The following NSRP1 variants were observed in gnomAD, a reference collection of about 807,000 sequenced individuals.
NSRP1 encodes coiled-coil domain containing 55.
Under a neutral mutation model 54.7 loss-of-function variants are expected in NSRP1, and 24 were observed. The observed-to-expected ratio is 0.44, with a 90% confidence interval of 0.32 to 0.62. The LOEUF (loss-of-function observed/expected upper bound fraction) is 0.62, where lower values mean the gene tolerates loss of function less well. Among genes scored for constraint, NSRP1 ranks in the 20% least tolerant of loss-of-function variants. NSRP1 has a pLI of 0.06. For synonymous variants in NSRP1, 210 were observed against 213.8 expected (o/e 0.98, Z 0.15); for missense variants, 596 against 651.2 (o/e 0.92, Z 0.92).
intron 5 of NSRP1, 34 bp downstream of exon 5, chr17:30,179,331 CAGT>C: frequency 6.5e-7 from 1 of 1,533,478 alleles, no homozygotes. Context: ...CACAAGGAAA[CAGT>C]AGCAGAATCT....
At chr17:30,146,361 A>G (rs574328098) in intron 2 of NSRP1, among the ~76,000 whole-genome samples, 17 of 152,294 alleles carry the variant, frequency 1.1e-4, no homozygotes, top group African/African-American at 4.1e-4. Context: ...AAGGAACTAC[A>G]TGTAAGTGTG....
At chr17:30,176,349 G>A (rs1333482095) in intron 3 of NSRP1, among the ~76,000 whole-genome samples, 1 of 152,104 alleles carries the variant, frequency 6.6e-6, no homozygotes, top group African/African-American at 2.4e-5. Context: ...AGTGGCTCAT[G>A]CATGTAATCC....
intron 2 of NSRP1, among the ~76,000 whole-genome samples, chr17:30,133,140 CAG>C (rs372893975): frequency 1.5e-4 from 20 of 137,250 alleles, no homozygotes; most frequent in East Asian, 4.3e-4. Context: ...TTGGTAGAGA[CAG>C]GGGTCTCACC....
intron 2 of NSRP1, among the ~76,000 whole-genome samples, chr17:30,161,585 C>T (rs887880055): frequency 9.2e-5 from 14 of 152,160 alleles, no homozygotes; most frequent in African/African-American, 2.9e-4. Flanking sequence ...AGAAAATTTT[C>T]CTTTTATGAT....
chr17:30,121,275 G>A (rs2071594023), intron 2 of NSRP1, among the ~76,000 whole-genome samples: 1 of 152,090 alleles, frequency 6.6e-6, no homozygotes, highest in Non-Finnish European at 1.5e-5. Flanking sequence ...GGAGAAATGA[G>A]AGATGAGTTT....
intron 2 of NSRP1, among the ~76,000 whole-genome samples, chr17:30,132,236 A>T (rs2071707026): frequency 6.8e-6 from 1 of 147,660 alleles, no homozygotes; most frequent in Admixed American, 6.7e-5. Context: ...CGACAGAGCG[A>T]GACTGTCTCA....
intron 2 of NSRP1, among the ~76,000 whole-genome samples, chr17:30,155,703 G>T (rs893837107): frequency 6.6e-6 from 1 of 152,034 alleles, no homozygotes; most frequent in Admixed American, 6.6e-5. Context: ...ACACCATCGT[G>T]TGGCTTTTTT....
chr17:30,182,919 G>A (rs954388147), intron 6 of NSRP1, among the ~76,000 whole-genome samples: 8 of 152,074 alleles, frequency 5.3e-5, no homozygotes, highest in Non-Finnish European at 1.5e-5. Flanking sequence ...GGGTGACAGT[G>A]CAAGACTCTG....
At chr17:30,116,993 G>A (rs1597588389) in intron 1 of NSRP1, 130 bp downstream of exon 1, 1 of 1,160,954 alleles carries the variant, frequency 8.6e-7, no homozygotes, top group South Asian at 1.3e-5. Flanking sequence ...GGGAAAAAAC[G>A]AGAAGTCCTG....
chr17:30,124,028 A>G (rs1213800500), intron 2 of NSRP1, among the ~76,000 whole-genome samples: 2 of 152,046 alleles, frequency 1.3e-5, no homozygotes, highest in Non-Finnish European at 2.9e-5. Flanking sequence ...ACCCTCATGC[A>G]CTTTCGGAGG....
chr17:30,182,370 G>A (rs1282066069), intron 6 of NSRP1, among the ~76,000 whole-genome samples: 2 of 152,158 alleles, frequency 1.3e-5, no homozygotes, highest in African/African-American at 4.8e-5. Flanking sequence ...TAGGTTGGGC[G>A]CAGTGACTCA....
intron 5 of NSRP1, 86 bp from the exon 6 acceptor site, chr17:30,180,822 C>A: frequency 1.2e-6 from 1 of 850,104 alleles, no homozygotes; most frequent in Non-Finnish European, 2.0e-6. Flanking sequence ...AGTTTACACA[C>A]TGTATGTTAT....
intron 2 of NSRP1, among the ~76,000 whole-genome samples, chr17:30,159,516 G>C (rs2143005664): frequency 6.6e-6 from 1 of 152,266 alleles, no homozygotes; most frequent in East Asian, 1.9e-4. Flanking sequence ...TTGAATAAGA[G>C]TGGTGAAAGT....
In NSRP1 at chr17:30,140,784, G is replaced by A. The variant is rs573804397; in HGVS notation, c.114+22611G>A. Among the ~76,000 whole-genome samples, 55 of 152,024 alleles carry A rather than the reference G, an allele frequency of 3.6e-4. No individual in the cohort carries two copies. The South Asian group carries it at 0.01, about 28-fold the overall frequency. On this transcript the variant is annotated intron_variant, in intron 2 of 6. Transcript: ENST00000247026. ...ACCTCGTGATCCGCACTCCTTGGCC[G>A]CCCAAAGTGGTGGGATTACAGGTGT...
intron 2 of NSRP1, among the ~76,000 whole-genome samples, chr17:30,142,149 T>C (rs1160580907): frequency 6.6e-6 from 1 of 152,194 alleles, no homozygotes; most frequent in Non-Finnish European, 1.5e-5. Context: ...TTAATTCTTT[T>C]ATTCACATCT....
intron 2 of NSRP1, among the ~76,000 whole-genome samples, chr17:30,147,192 G>A (rs1347080103): frequency 5.4e-5 from 8 of 149,460 alleles, no homozygotes; most frequent in African/African-American, 7.4e-5. Context: ...GCAATGGTGC[G>A]ATCTCGGCTC....
At chr17:30,125,949 C>A (rs1036161088) in intron 2 of NSRP1, 3 of 152,080 alleles carry the variant, frequency 2.0e-5, no homozygotes, top group Admixed American at 6.6e-5. Context: ...GTTTTTACAC[C>A]ATATGAGTAA....
At chr17:30,125,925 G>C (rs941936802) in intron 2 of NSRP1, 3 of 152,102 alleles carry the variant, frequency 2.0e-5, no homozygotes, top group Admixed American at 6.6e-5. Context: ...GAGATGGTTG[G>C]GGGGGTGGTG....
At chr17:30,152,164 C>T (rs2071917851) in intron 2 of NSRP1, among the ~76,000 whole-genome samples, 1 of 151,804 alleles carries the variant, frequency 6.6e-6, no homozygotes, top group Non-Finnish European at 1.5e-5. Flanking sequence ...TCTCTGTTGC[C>T]CAGGCTGGAG....
Sources: allele counts gnomAD v4.1 joint callset (sites outside exome capture counted in the v4.1 genomes callset), GRCh38; gene constraint gnomAD v4.1.1; transcripts MANE v1.5; gene names NCBI Gene and HGNC (gene_info 2026-07-23, HGNC 2026-07-21).